MYO9B: variants seen among roughly 807,000 people sequenced by gnomAD.
The protein encoded by MYO9B is unconventional myosin-IXb.
In MYO9B, 71 loss-of-function variants were observed where a neutral mutation model predicts 229.5. The ratio of observed to expected loss-of-function variants is 0.31; its 90% confidence interval spans 0.26 to 0.38. The LOEUF is 0.38. Ranked by LOEUF, MYO9B falls within the 10% of genes least tolerant of loss-of-function variation. MYO9B has a pLI of 1.00. For synonymous variants in MYO9B, 1,185 were observed against 1,235.8 expected (o/e 0.96, Z 0.86); for missense variants, 2,255 against 2,920.5 (o/e 0.77, Z 5.25).
At position 17,193,564 on chromosome 19, in the gene MYO9B, C is replaced by A. The variant is rs1183608430; in HGVS notation, c.3128+502C>A. Among the ~76,000 whole-genome samples the A allele has an allele frequency of 6.6e-6, 1 of 152,204 alleles. No individual in the cohort carries two copies. Among genetic ancestry groups the A allele is most frequent in the Non-Finnish European group, 1.5e-5 (1 of 68,044 alleles). ...ACAAGTCAGGTCCCAGCTCCCGGAG[C>A]AGGCCCTACCCACACATGCAAAAGC... is the stretch of plus-strand genomic sequence containing the variant. On this transcript the variant is annotated intron_variant, in intron 21 of 39. Transcript: ENST00000682292. This position sits in a 1 kb window ranked among gnomAD's most constrained non-coding sequence, Gnocchi z 4.3.
At chr19:17,116,317 C>T (rs1568670150) in intron 2 of MYO9B, among the ~76,000 whole-genome samples, 2 of 152,216 alleles carry the variant, frequency 1.3e-5, no homozygotes, top group African/African-American at 4.8e-5. Flanking sequence ...CAGCCCCCTT[C>T]CTCACTGTAG....
At position 17,192,879 on chromosome 19, in the gene MYO9B, C is replaced by G. The variant is rs1186480782; in HGVS notation, c.2945C>G (p.Ala982Gly). 1.3e-6 allele frequency: 2 copies of G among 1,550,274 alleles called. No homozygotes were observed. Residue 982 changes from alanine to glycine, a missense_variant, in exon 21 of 40, where the codon GCC becomes GGC. Coordinates refer to ENST00000682292, the MANE Select transcript of MYO9B (RefSeq NM_004145.4). ...ERRHFLQMKR[A>G]AVTIQACWRS... The stretch of plus-strand genomic sequence containing the variant: ...CGGCACTTCCTGCAGATGAAGCGGG[C>G]CGCCGTCACCATCCAGGCCTGCTGG...
intron 2 of MYO9B, among the ~76,000 whole-genome samples, chr19:17,117,559 G>A (rs1054625497): frequency 1.1e-4 from 16 of 152,220 alleles, no homozygotes; most frequent in African/African-American, 3.6e-4. Flanking sequence ...CTTCCCTAGA[G>A]GGGGTTCTCT....
At chr19:17,094,035 T>TGTTGTG (rs2057665206) in intron 1 of MYO9B, among the ~76,000 whole-genome samples, 1 of 151,090 alleles carries the variant, frequency 6.6e-6, no homozygotes, top group South Asian at 2.1e-4. Flanking sequence ...TTGTTGTTGT[T>TGTTGTG]GTTGTTGTTG....
intron 35 of MYO9B, among the ~76,000 whole-genome samples, chr19:17,208,588 C>T (rs1362291784): frequency 6.6e-6 from 1 of 151,840 alleles, no homozygotes; most frequent in Non-Finnish European, 1.5e-5. Context: ...TCCACCACCA[C>T]GCCCGGCTAA....
intron 2 of MYO9B, among the ~76,000 whole-genome samples, chr19:17,120,262 G>A (rs80048771): frequency 0.041 from 6,297 of 152,278 alleles, 165 homozygotes; most frequent in Middle Eastern, 0.075. Flanking sequence ...ACCATTCAGC[G>A]TTGGAGTGAG....
intron 26 of MYO9B, among the ~76,000 whole-genome samples, chr19:17,201,716 C>T (rs2073108073): frequency 6.6e-6 from 1 of 152,048 alleles, no homozygotes; most frequent in South Asian, 2.1e-4. Flanking sequence ...GGGCAGGCCC[C>T]AATGTGGAGA....
chr19:17,116,189 G>A (rs567518865), intron 2 of MYO9B, among the ~76,000 whole-genome samples: 4 of 152,276 alleles, frequency 2.6e-5, no homozygotes, highest in South Asian at 2.1e-4. Flanking sequence ...CTCTGAGATC[G>A]CGTGCATCCT....
intron 2 of MYO9B, among the ~76,000 whole-genome samples, chr19:17,120,565 G>T (rs568972945): frequency 6.6e-6 from 1 of 150,866 alleles, no homozygotes; most frequent in Non-Finnish European, 1.5e-5. Flanking sequence ...AGCCTAGGAG[G>T]CAGAGGTTAT....
At chr19:17,147,909 C>T (rs888516246) in intron 3 of MYO9B, among the ~76,000 whole-genome samples, 4 of 150,630 alleles carry the variant, frequency 2.7e-5, no homozygotes, top group East Asian at 4.0e-4. Flanking sequence ...CTCGAACTCC[C>T]GACCTCAGGT....
At chr19:17,197,358 A>G (rs2073053848) in intron 22 of MYO9B, among the ~76,000 whole-genome samples, 2 of 152,200 alleles carry the variant, frequency 1.3e-5, no homozygotes, top group South Asian at 4.1e-4. Flanking sequence ...GGTGGAAGAT[A>G]GAGACAATGA....
rs1468575885 is a variant in MYO9B at position 17,101,763 on chromosome 19, G to T, written c.46G>T (p.Ala16Ser). ...AGSSGRREQA[A>S]YHLHIYPQLS... ...CAGCTCGGGCCGCCGGGAGCAGGCG[G>T]CCTACCACCTGCACATCTACCCCCA... The change falls in exon 2 of 40, where the codon GCC (alanine) becomes TCC (serine). Residue 16 changes from alanine (A) to serine (S), a missense_variant. Transcript: ENST00000682292. This position sits in a 1 kb window ranked among gnomAD's most constrained non-coding sequence, Gnocchi z 4.7. 1.3e-6 allele frequency: 2 copies of T among 1,597,950 alleles called. No homozygotes were observed. The highest frequency in any genetic ancestry group is 2.7e-5 in the African/African-American group (2 of 74,800).
intron 15 of MYO9B, among the ~76,000 whole-genome samples, chr19:17,181,969 G>A (rs1474136216): frequency 6.6e-6 from 1 of 151,606 alleles, no homozygotes; most frequent in Non-Finnish European, 1.5e-5. Flanking sequence ...TAGAGATGGG[G>A]TTTCACCATG....
intron 8 of MYO9B, among the ~76,000 whole-genome samples, chr19:17,159,792 T>A (rs193183622): frequency 2.3e-4 from 35 of 152,350 alleles, no homozygotes; most frequent in African/African-American, 7.9e-4. Flanking sequence ...GCTAATAAAG[T>A]TTTATTGGCA....
At chr19:17,145,534 CG>C (rs2072398628) in intron 3 of MYO9B, 43 bp downstream of exon 3, 3 of 1,505,288 alleles carry the variant, frequency 2.0e-6, no homozygotes, top group African/African-American at 1.4e-5. Flanking sequence ...GCTGGCCCCA[CG>C]CACTGTTGCT....
At chr19:17,161,744 A>G (rs2072604558) in intron 8 of MYO9B, among the ~76,000 whole-genome samples, 1 of 152,170 alleles carries the variant, frequency 6.6e-6, no homozygotes, top group East Asian at 1.9e-4. Context: ...TGAACCCAGG[A>G]GGGAGAGGTT....
At chr19:17,094,018 G>GTTGTTGT (rs1413834085) in intron 1 of MYO9B, among the ~76,000 whole-genome samples, 1 of 29,814 alleles carries the variant, frequency 3.4e-5, no homozygotes, top group Non-Finnish European at 6.1e-5. Flanking sequence ...AGCTGGCTTT[G>GTTGTTGT]TTGTTGTTGT....
chr19:17,186,094 T>G, intron 18 of MYO9B, 93 bp downstream of exon 18: 3 of 1,126,920 alleles, frequency 2.7e-6, no homozygotes, highest in Non-Finnish European at 4.0e-6. Context: ...CTCCACGCAG[T>G]ATGGGGGACG....
intron 2 of MYO9B, among the ~76,000 whole-genome samples, chr19:17,142,176 A>AAAG (rs1568271022): frequency 6.6e-6 from 1 of 151,408 alleles, no homozygotes; most frequent in African/African-American, 2.4e-5. Context: ...TAAAAAAAAA[A>AAAG]AAAGAAAGAA....
Sources: allele counts gnomAD v4.1 joint callset (sites outside exome capture counted in the v4.1 genomes callset), GRCh38; gene constraint gnomAD v4.1.1; non-coding constraint Gnocchi (gnomAD v3.1); transcripts MANE v1.5; gene names NCBI Gene and HGNC (gene_info 2026-07-23, HGNC 2026-07-21).